Variants in FDFT1 observed in about 807,000 individuals in gnomAD.
FDFT1 encodes the protein farnesyl-diphosphate farnesyltransferase 1.
FDFT1 carries 68 observed loss-of-function variants against 46.8 expected under a neutral mutation model. The observed-to-expected ratio is 1.45, with a 90% CI of 1.19 to 1.78. The LOEUF (loss-of-function observed/expected upper bound fraction) is 1.78, where lower values mean the gene tolerates loss of function less well. Ranked by LOEUF, FDFT1 falls within the 40% of genes most tolerant of loss-of-function variation. The pLI is 0.00. For synonymous variants in FDFT1, 351 were observed against 185.1 expected, an observed-to-expected ratio of 1.90 and a Z score of -7.28; for missense variants, 928 against 524.4, an observed-to-expected ratio of 1.77 and a Z score of -7.52.
intron 1 of FDFT1, among the ~76,000 whole-genome samples, chr8:11,796,728 CATTT>C (rs1805600178): frequency 6.6e-6 from 1 of 152,188 alleles, no homozygotes; most frequent in South Asian, 2.1e-4. Context: ...GAGTCCTGAC[CATTT>C]GGGGCTGATT....
At chr8:11,824,039 T>C (rs1809623570) in intron 4 of FDFT1, among the ~76,000 whole-genome samples, 1 of 151,978 alleles carries the variant, frequency 6.6e-6, no homozygotes, top group Non-Finnish European at 1.5e-5. Flanking sequence ...CTTTTAAAAT[T>C]TTTTACAGAG....
chr8:11,819,346 G>A (rs1168374681), intron 3 of FDFT1, among the ~76,000 whole-genome samples: 1 of 152,114 alleles, frequency 6.6e-6, no homozygotes, highest in East Asian at 1.9e-4. Context: ...GCTTCTCGAG[G>A]AATATCTTTG....
At chr8:11,829,993 G>C (rs777845181) in intron 5 of FDFT1, among the ~76,000 whole-genome samples, 1 of 151,934 alleles carries the variant, frequency 6.6e-6, no homozygotes, top group Non-Finnish European at 1.5e-5. Context: ...GATTACAGGC[G>C]CCTGCCACCG....
intron 4 of FDFT1, among the ~76,000 whole-genome samples, chr8:11,822,808 A>G (rs1256759382): frequency 6.6e-6 from 1 of 152,208 alleles, no homozygotes; most frequent in Non-Finnish European, 1.5e-5. Flanking sequence ...AGAGCAAGAC[A>G]CCATCTGAAA....
intron 5 of FDFT1, among the ~76,000 whole-genome samples, chr8:11,828,426 A>T (rs1359014124): frequency 2.6e-5 from 4 of 152,226 alleles, no homozygotes; most frequent in African/African-American, 9.6e-5. Flanking sequence ...TTGCAGACAC[A>T]GGGCTCAGAG....
upstream of FDFT1, among the ~76,000 whole-genome samples, chr8:11,798,939 C>T (rs943890352): frequency 2.6e-5 from 4 of 152,208 alleles, no homozygotes; most frequent in Non-Finnish European, 4.4e-5. Context: ...CCAGCTTAGA[C>T]CACAGACGGG....
intron 7 of FDFT1, among the ~76,000 whole-genome samples, chr8:11,832,245 T>C (rs1284327000): frequency 1.4e-5 from 2 of 145,308 alleles, no homozygotes; most frequent in Non-Finnish European, 3.0e-5. Context: ...ATCTCTAATA[T>C]TTGACTAGGT....
chr8:11,815,067 G>A (rs532322649), intron 3 of FDFT1, among the ~76,000 whole-genome samples: 1 of 151,946 alleles, frequency 6.6e-6, no homozygotes, highest in Non-Finnish European at 1.5e-5. Context: ...CCCTCCTTGT[G>A]TCCATGTGTT....
At chr8:11,837,223 T>G (rs1413134978) in intron 7 of FDFT1, among the ~76,000 whole-genome samples, 1 of 151,754 alleles carries the variant, frequency 6.6e-6, no homozygotes, top group Non-Finnish European at 1.5e-5. Context: ...AGTAGACAGT[T>G]GTTCTTTTGT....
intron 4 of FDFT1, among the ~76,000 whole-genome samples, chr8:11,823,296 A>AT (rs1472831606): frequency 6.6e-6 from 1 of 152,212 alleles, no homozygotes; most frequent in East Asian, 1.9e-4. Context: ...AAGATGAATT[A>AT]TATAAGTCTC....
chr8:11,795,629 T>C (rs113590385), exon 1 of FDFT1: 1 of 151,494 alleles, frequency 6.6e-6, no homozygotes, highest in African/African-American at 2.4e-5. Flanking sequence ...CTTTGTTGTT[T>C]GCAATAAATT....
chr8:11,818,375 G>C (rs1193725099), intron 3 of FDFT1, among the ~76,000 whole-genome samples: 1 of 152,170 alleles, frequency 6.6e-6, no homozygotes, highest in Non-Finnish European at 1.5e-5. Flanking sequence ...TGTCTGTTAG[G>C]TCTGCTTGGT....
chr8:11,803,406 G>A (rs1204292533), intron 1 of FDFT1: 1 of 1,289,288 alleles, frequency 7.8e-7, no homozygotes, highest in Non-Finnish European at 1.0e-6. Flanking sequence ...CCGCCTTGCT[G>A]CCTTCCATCG....
intron 5 of FDFT1, among the ~76,000 whole-genome samples, chr8:11,827,833 A>G (rs1692799): frequency 0.64 from 97,195 of 151,740 alleles, 31,242 homozygotes; most frequent in East Asian, 0.8. Context: ...TGAAGCCAGG[A>G]TATCGAGACC....
rs1563291342 is a variant in FDFT1, at chr8:11,803,085, C to T, written c.99+154C>T. On this transcript the variant is annotated intron_variant, in intron 1 of 7. Coordinates refer to ENST00000220584, the MANE Select transcript of FDFT1 (RefSeq NM_004462.5). ...GTCCCCCTTTCCTCGAGCCTTCCCC[C>T]TGTAGGGCCCGGGTGGACGCGGCCG... is the stretch of plus-strand genomic sequence containing the variant. The T allele has an allele frequency of 6.9e-6, 10 of 1,441,238 alleles. No homozygotes were observed. In the East Asian group the frequency reaches 1.5e-4, roughly 22 times the overall value. The allele number at this position is 1,441,238 out of a possible 1,614,324, so 89.3% of individuals were successfully genotyped here. A position where few individuals can be genotyped will look rare whatever the true frequency, so the allele number is the denominator to read the frequency against.
At chr8:11,811,538 A>C (rs1807711294) in intron 3 of FDFT1, among the ~76,000 whole-genome samples, 2 of 152,234 alleles carry the variant, frequency 1.3e-5, no homozygotes, top group Admixed American at 6.5e-5. Context: ...TCGCCGTCAG[A>C]TTTCCAGATG....
intron 1 of FDFT1, chr8:11,803,364 C>T (rs967538361): frequency 6.2e-6 from 8 of 1,290,136 alleles, no homozygotes; most frequent in African/African-American, 3.0e-5. Context: ...AGTCTGACTC[C>T]TCCAGTTTCA....
chr8:11,808,173 G>C (rs781465174), intron 1 of FDFT1: 9 of 803,216 alleles, frequency 1.1e-5, no homozygotes, highest in Non-Finnish European at 1.2e-5. Flanking sequence ...AAAGACAGAT[G>C]CGTTGAGTAC....
intron 1 of FDFT1, among the ~76,000 whole-genome samples, chr8:11,804,019 A>G (rs965979725): frequency 6.6e-6 from 1 of 152,226 alleles, no homozygotes; most frequent in Non-Finnish European, 1.5e-5. Context: ...TTATATTTAG[A>G]TATAGCATTC....
Sources: allele counts gnomAD v4.1 joint callset (sites outside exome capture counted in the v4.1 genomes callset), GRCh38; gene constraint gnomAD v4.1.1; transcripts MANE v1.5; gene names NCBI Gene and HGNC (gene_info 2026-07-23, HGNC 2026-07-21).